Variants in CAMTA1 observed in about 807,000 individuals in gnomAD.
The protein encoded by CAMTA1 is calmodulin binding transcription activator 1, also known as calmodulin-binding transcription activator 1.
In CAMTA1, 27 loss-of-function variants were observed where a neutral mutation model predicts 170.9. That is an observed-to-expected ratio of 0.16 (90% confidence interval 0.12 to 0.22). The LOEUF is 0.22. Among genes scored for constraint, CAMTA1 ranks in the 10% least tolerant of loss-of-function variants. CAMTA1 has a pLI of 1.00. For missense variants in CAMTA1, 1,619 were observed against 2,217.2 expected, an observed-to-expected ratio of 0.73 and a Z score of 5.42; for synonymous variants, 833 against 891.5, an observed-to-expected ratio of 0.93 and a Z score of 1.17.
chr1:7,465,016 C>A (rs1489016940), intron 5 of CAMTA1, among the ~76,000 whole-genome samples: 1 of 152,200 alleles, frequency 6.6e-6, no homozygotes, highest in Non-Finnish European at 1.5e-5. Flanking sequence ...GTCTGCTTTC[C>A]TTGAAACTGA....
intron 6 of CAMTA1, among the ~76,000 whole-genome samples, chr1:7,549,206 G>GTTTTGACTTCTA (rs2094763286): frequency 6.7e-6 from 1 of 150,160 alleles, no homozygotes; most frequent in African/African-American, 2.5e-5. Context: ...CGTGGAGGGT[G>GTTTTGACTTCTA]CCCCCTTAGG....
intron 6 of CAMTA1, among the ~76,000 whole-genome samples, chr1:7,494,296 T>G (rs371579352): frequency 6.6e-6 from 1 of 152,184 alleles, no homozygotes; most frequent in Non-Finnish European, 1.5e-5. Context: ...TTGCTATAGA[T>G]CAGAAATATT....
chr1:7,407,473 C>A (rs1169305772), intron 5 of CAMTA1, among the ~76,000 whole-genome samples: 1 of 152,134 alleles, frequency 6.6e-6, no homozygotes, highest in African/African-American at 2.4e-5. Flanking sequence ...GAGGAAGAGG[C>A]CACCCATGGT....
At chr1:7,331,874 A>G (rs2083057106) in intron 5 of CAMTA1, among the ~76,000 whole-genome samples, 1 of 152,142 alleles carries the variant, frequency 6.6e-6, no homozygotes. Context: ...GCTTTGGATG[A>G]TCCCACAGAG....
chr1:7,368,338 T>G (rs2086173970), intron 5 of CAMTA1, among the ~76,000 whole-genome samples: 1 of 151,506 alleles, frequency 6.6e-6, no homozygotes, highest in African/African-American at 2.4e-5. Context: ...TGGGCACTTA[T>G]TGTTTCATTG....
intron 21 of CAMTA1, 58 bp from the exon 22 acceptor site, chr1:7,755,580 A>G: frequency 7.7e-7 from 1 of 1,296,350 alleles, no homozygotes. Context: ...TATTTGTAAG[A>G]TTTCTGTTGT....
chr1:6,911,986 C>G (rs931016598), intron 3 of CAMTA1, among the ~76,000 whole-genome samples: 2 of 152,194 alleles, frequency 1.3e-5, no homozygotes. Context: ...TCCCTTCTTT[C>G]TCTTATCTTT....
chr1:7,689,502 C>A (rs1343507478), intron 11 of CAMTA1, among the ~76,000 whole-genome samples: 1 of 151,996 alleles, frequency 6.6e-6, no homozygotes, highest in East Asian at 1.9e-4. Flanking sequence ...TCGCTTGAGC[C>A]CTGGAGGTTG....
intron 7 of CAMTA1, among the ~76,000 whole-genome samples, chr1:7,646,311 C>T (rs1425582140): frequency 6.8e-6 from 1 of 146,292 alleles, no homozygotes; most frequent in Non-Finnish European, 1.5e-5. Context: ...TGGGTGGAGG[C>T]CCTGGTGAGT....
At chr1:6,967,063 G>A (rs1691681955) in intron 3 of CAMTA1, among the ~76,000 whole-genome samples, 1 of 151,752 alleles carries the variant, frequency 6.6e-6, no homozygotes, top group South Asian at 2.1e-4. Flanking sequence ...CCAATATGGT[G>A]AAACCCTGTC....
At chr1:7,515,387 G>A (rs75693389) in intron 6 of CAMTA1, among the ~76,000 whole-genome samples, 25,165 of 152,230 alleles carry the variant, frequency 0.17, 2,640 homozygotes, top group East Asian at 0.46. Flanking sequence ...ATTCCTGTCC[G>A]GGCTCTGCCT....
intron 4 of CAMTA1, among the ~76,000 whole-genome samples, chr1:7,147,669 GCACA>G (rs759876157): frequency 3.4e-5 from 5 of 144,996 alleles, no homozygotes; most frequent in Middle Eastern, 4.0e-3. Context: ...TATGCACCAT[GCACA>G]CACACATTCA....
intron 3 of CAMTA1, among the ~76,000 whole-genome samples, chr1:6,973,618 A>G (rs1330212617): frequency 6.6e-6 from 1 of 152,192 alleles, no homozygotes; most frequent in Non-Finnish European, 1.5e-5. Flanking sequence ...AGATTCAGAT[A>G]TGACTTGTTT....
chr1:7,208,036 G>A (rs891192609), intron 4 of CAMTA1, among the ~76,000 whole-genome samples: 1 of 152,188 alleles, frequency 6.6e-6, no homozygotes, highest in African/African-American at 2.4e-5. Flanking sequence ...CATCCCTTCC[G>A]AGCTGGAAGC....
chr1:7,300,537 C>G lies in CAMTA1; in HGVS notation c.438+50911C>G, dbSNP rs990172638. The stretch of plus-strand genomic sequence containing the variant: ...ACTAAAAATACAAAAATTAGTCAGG[C>G]CTGGTGGTAGGCATCTGTAACCCCA... On this transcript the variant is annotated intron_variant, in intron 5 of 22. Transcript: ENST00000303635. The surrounding 1 kb of genome is among the most constrained non-coding windows in gnomAD (Gnocchi z 4.1). 2.0e-5 allele frequency among the ~76,000 whole-genome samples: 3 copies of G among 152,102 alleles called. No homozygotes were observed. The highest frequency in any genetic ancestry group is 4.8e-5 in the African/African-American group (2 of 41,418).
rs144976792 is a variant in CAMTA1 at position 7,750,885 on chromosome 1, C to T, written c.4690-314C>T. 3.7e-3 allele frequency: 1,379 copies of T among 374,422 alleles called. 20 individuals are homozygous for T. Among genetic ancestry groups the T allele is most frequent in the African/African-American group, 0.025 (1,207 of 48,486 alleles). The allele number at this position is 374,422 out of a possible 1,614,324, so 23.2% of individuals were successfully genotyped here. A position where few individuals can be genotyped will look rare whatever the true frequency, so the allele number is the denominator to read the frequency against. The stretch of plus-strand genomic sequence containing the variant: ...TCCGAAGCATTTAAAATTTTACTGT[C>T]GAAATCTGTTTTTAGATTCATAAAC... On this transcript the variant is annotated intron_variant, in intron 19 of 22. Coordinates refer to ENST00000303635, the MANE Select transcript of CAMTA1 (RefSeq NM_015215.4).
intron 5 of CAMTA1, among the ~76,000 whole-genome samples, chr1:7,344,807 G>A (rs1280484988): frequency 6.6e-6 from 1 of 151,334 alleles, no homozygotes; most frequent in Non-Finnish European, 1.5e-5. Context: ...GAGTGCAGTG[G>A]CGTGATCTTG....
intron 5 of CAMTA1, among the ~76,000 whole-genome samples, chr1:7,372,745 C>T (rs146911224): frequency 2.6e-5 from 4 of 152,328 alleles, no homozygotes; most frequent in African/African-American, 4.8e-5. Flanking sequence ...ATTACCCTGT[C>T]GCACAGAAGT....
At chr1:7,039,673 G>A (rs983259575) in intron 3 of CAMTA1, among the ~76,000 whole-genome samples, 2 of 152,190 alleles carry the variant, frequency 1.3e-5, no homozygotes, top group African/African-American at 2.4e-5. Context: ...TGAAACCAAA[G>A]TTCTAAAAGG....
Sources: allele counts gnomAD v4.1 joint callset (sites outside exome capture counted in the v4.1 genomes callset), GRCh38; gene constraint gnomAD v4.1.1; non-coding constraint Gnocchi (gnomAD v3.1); transcripts MANE v1.5; gene names NCBI Gene and HGNC (gene_info 2026-07-23, HGNC 2026-07-21).